The following KIAA1328 variants were observed in gnomAD, a reference collection of about 807,000 sequenced individuals.
KIAA1328 encodes protein hinderin.
KIAA1328 carries 52 observed loss-of-function variants against 68.1 expected under a neutral mutation model. The ratio of observed to expected loss-of-function variants is 0.76; its 90% CI spans 0.61 to 0.96. The LOEUF (loss-of-function observed/expected upper bound fraction) is 0.96. Among genes scored for constraint, KIAA1328 ranks in the 40% least tolerant of loss-of-function variants. The probability of loss-of-function intolerance (pLI) is 0.00; values close to 1 mark genes in which losing one functional copy is unlikely to be tolerated. For synonymous variants in KIAA1328, 232 were observed against 239.4 expected, an observed-to-expected ratio of 0.97 and a Z score of 0.28; for missense variants, 641 against 677.6, an observed-to-expected ratio of 0.95 and a Z score of 0.60.
At chr18:36,844,443 A>G (rs961126365) in intron 4 of KIAA1328, 141 bp downstream of exon 4, 5 of 495,860 alleles carry the variant, frequency 1.0e-5, no homozygotes, top group African/African-American at 2.0e-5. Flanking sequence ...ACATTCTGTG[A>G]TGTCAGAATC....
chr18:37,067,280 A>G lies in KIAA1328; in HGVS notation c.967A>G (p.Met323Val). The G allele has an allele frequency of 6.2e-7, 1 of 1,614,014 alleles. No individual in the cohort carries two copies. Among genetic ancestry groups the G allele is most frequent in the Non-Finnish European group, 8.5e-7 (1 of 1,179,880 alleles). The change falls in exon 7 of 10, where the codon ATG becomes GTG. Residue 323 changes from methionine to valine, a missense_variant. Transcript: ENST00000280020. ...DRVHDSHPTN[M>V]TPQHPKTHPE... is the part of the protein sequence containing the mutation. ...TGTTCATGACAGCCATCCTACAAAC[A>G]TGACCCCTCAACATCCTAAGACACA...
At chr18:37,187,000 C>T (rs1253800576) in intron 9 of KIAA1328, among the ~76,000 whole-genome samples, 1 of 152,018 alleles carries the variant, frequency 6.6e-6, no homozygotes, top group Non-Finnish European at 1.5e-5. Context: ...ATGGCAAAAC[C>T]CCATCTCTAC....
intron 7 of KIAA1328, among the ~76,000 whole-genome samples, chr18:37,142,087 A>G (rs7228810): frequency 0.13 from 20,327 of 152,276 alleles, 1,742 homozygotes; most frequent in Admixed American, 0.18. Flanking sequence ...GTGTTTTGCT[A>G]TAGAAGTTAT....
intron 5 of KIAA1328, among the ~76,000 whole-genome samples, chr18:36,911,723 T>C (rs146793088): frequency 1.3e-5 from 2 of 152,310 alleles, no homozygotes; most frequent in South Asian, 2.1e-4. Context: ...TTTAGCTGCA[T>C]GAACCTGATC....
intron 6 of KIAA1328, among the ~76,000 whole-genome samples, chr18:36,965,279 C>T (rs562127976): frequency 6.6e-6 from 1 of 151,878 alleles, no homozygotes; most frequent in South Asian, 2.1e-4. Context: ...TTTATTTTCC[C>T]TGTGATTACT....
chr18:36,872,217 G>A (rs1174101068), intron 4 of KIAA1328, among the ~76,000 whole-genome samples: 4 of 152,104 alleles, frequency 2.6e-5, no homozygotes, highest in Admixed American at 2.0e-4. Flanking sequence ...TGTGGGGAGG[G>A]CAGAGTTATA....
chr18:37,043,286 C>T (rs1263307784), intron 6 of KIAA1328, among the ~76,000 whole-genome samples: 3 of 152,118 alleles, frequency 2.0e-5, no homozygotes, highest in Non-Finnish European at 4.4e-5. Flanking sequence ...TTTTTCCCCC[C>T]AAGTATGGGT....
intron 6 of KIAA1328, among the ~76,000 whole-genome samples, chr18:37,002,867 G>A (rs961339078): frequency 1.3e-5 from 2 of 152,038 alleles, no homozygotes; most frequent in African/African-American, 2.4e-5. Flanking sequence ...ACACAAAAGT[G>A]CCCAAATAGC....
intron 7 of KIAA1328, among the ~76,000 whole-genome samples, chr18:37,098,208 G>T (rs2057474696): frequency 6.6e-6 from 1 of 152,180 alleles, no homozygotes; most frequent in Non-Finnish European, 1.5e-5. Context: ...TTGGCTGTGG[G>T]TTTGTCATAG....
chr18:37,036,394 G>GAT (rs1224949011), intron 6 of KIAA1328, among the ~76,000 whole-genome samples: 2 of 152,202 alleles, frequency 1.3e-5, no homozygotes, highest in Non-Finnish European at 2.9e-5. Context: ...TACTAAGCCT[G>GAT]ATATAGACCC....
At chr18:37,137,375 T>C (rs573774791) in intron 7 of KIAA1328, among the ~76,000 whole-genome samples, 2 of 152,232 alleles carry the variant, frequency 1.3e-5, no homozygotes, top group South Asian at 4.1e-4. Context: ...AAACCCTCAT[T>C]TTTGCCTTGC....
chr18:37,087,652 T>G (rs2057144740), intron 7 of KIAA1328, among the ~76,000 whole-genome samples: 1 of 152,200 alleles, frequency 6.6e-6, no homozygotes, highest in Admixed American at 6.5e-5. Flanking sequence ...GACTTCACCA[T>G]GATCAGGTAG....
chr18:37,038,633 A>G (rs995598122), intron 6 of KIAA1328, among the ~76,000 whole-genome samples: 1 of 152,008 alleles, frequency 6.6e-6, no homozygotes, highest in African/African-American at 2.4e-5. Flanking sequence ...GATTTTCTAC[A>G]TAAAGGATTA....
intron 6 of KIAA1328, among the ~76,000 whole-genome samples, chr18:36,981,062 C>G (rs1382918034): frequency 6.6e-6 from 1 of 152,198 alleles, no homozygotes; most frequent in African/African-American, 2.4e-5. Context: ...ATAATGGGCA[C>G]TTGTAGAGAT....
intron 8 of KIAA1328, among the ~76,000 whole-genome samples, chr18:37,163,313 A>G (rs555488624): frequency 2.0e-4 from 30 of 152,288 alleles, no homozygotes; most frequent in African/African-American, 7.2e-4. Context: ...TGACCTTGGC[A>G]CTGCCCATTC....
Position 37,224,841 on chromosome 18 carries a change from G to A in KIAA1328, c.*2614G>A. The A allele has an allele frequency of 7.1e-6, 7 of 985,478 alleles. No homozygotes were observed. Among genetic ancestry groups the A allele is most frequent in the Non-Finnish European group, 8.4e-6 (7 of 829,970 alleles). 61.0% of individuals were successfully genotyped at this position (985,478 alleles called of 1,614,324 possible). ...TTGCCCACCCTGCTGCCCAACTCCT[G>A]TGAGAGAAAAACCAATCAATGTTTA... On this transcript the variant is annotated 3_prime_UTR_variant, in exon 10 of 10. Transcript: ENST00000280020.
intron 5 of KIAA1328, among the ~76,000 whole-genome samples, chr18:36,927,353 T>C (rs2050155999): frequency 1.3e-5 from 2 of 152,212 alleles, no homozygotes; most frequent in Admixed American, 1.3e-4. Context: ...ATTAAAATAA[T>C]CATAGCACTA....
At chr18:37,053,168 C>A (rs1358542858) in intron 6 of KIAA1328, among the ~76,000 whole-genome samples, 1 of 151,946 alleles carries the variant, frequency 6.6e-6, no homozygotes, top group Non-Finnish European at 1.5e-5. Flanking sequence ...GAACAGAATC[C>A]AGAAATAAGG....
rs573410145 is a variant in KIAA1328 at position 36,841,462 on chromosome 18, A to G, written c.238-2746A>G. 5.3e-5 allele frequency among the ~76,000 whole-genome samples: 8 copies of G among 151,914 alleles called. No individual in the cohort carries two copies. In the South Asian group the frequency reaches 1.3e-3, roughly 24 times the overall value. Reference sequence around the variant, plus strand: ...GGAAGAGGATTCTTTTCTTCTTTGAATTGCAATGATACCATTGTTGTAAGT... The same window carrying G: ...GGAAGAGGATTCTTTTCTTCTTTGAGTTGCAATGATACCATTGTTGTAAGT... On this transcript the variant is annotated intron_variant, in intron 3 of 9. Transcript: ENST00000280020.
Sources: gnomAD v4.1 joint callset for allele counts (sites outside exome capture counted in the v4.1 genomes callset) on GRCh38, gnomAD v4.1.1 for gene constraint, MANE v1.5 for transcripts, NCBI Gene and HGNC (gene_info 2026-07-23, HGNC 2026-07-21) for gene names.